The following PBX1 variants were observed in gnomAD, a reference collection of about 807,000 sequenced individuals.
PBX1 encodes the protein PBX homeobox 1, also known as pre-B-cell leukemia transcription factor 1.
PBX1 carries 6 observed loss-of-function variants against 53.4 expected under a neutral mutation model. That is an observed-to-expected ratio of 0.11 (90% CI 0.06 to 0.22). The LOEUF is 0.22. Ranked by LOEUF, PBX1 falls within the 10% of genes least tolerant of loss-of-function variation. PBX1 has a pLI of 1.00. For missense variants in PBX1, 251 were observed against 551.4 expected (o/e 0.46, Z 5.46); for synonymous variants, 204 against 212.3 (o/e 0.96, Z 0.34).
intron 2 of PBX1, among the ~76,000 whole-genome samples, chr1:164,665,414 A>G (rs996227443): frequency 1.3e-5 from 2 of 152,046 alleles, no homozygotes; most frequent in African/African-American, 4.8e-5. Context: ...ACCCCAGAGT[A>G]GCTGGAATTA....
chr1:164,727,691 T>C (rs2102126893), intron 2 of PBX1, among the ~76,000 whole-genome samples: 1 of 152,330 alleles, frequency 6.6e-6, no homozygotes, highest in South Asian at 2.1e-4. Flanking sequence ...CACTGCCACA[T>C]CTGCTATGAG....
intron 2 of PBX1, among the ~76,000 whole-genome samples, chr1:164,779,281 G>T (rs1243289483): frequency 1.3e-5 from 2 of 151,800 alleles, no homozygotes; most frequent in Non-Finnish European, 2.9e-5. Flanking sequence ...CTGCACACTT[G>T]TCTTATTTCT....
intron 2 of PBX1, among the ~76,000 whole-genome samples, chr1:164,629,841 T>G (rs1658295108): frequency 6.6e-6 from 1 of 152,196 alleles, no homozygotes; most frequent in Non-Finnish European, 1.5e-5. Context: ...TTGCCAATTC[T>G]TTGATCAAAG....
chr1:164,885,368 C>G (rs977384146), intron 2 of PBX1, among the ~76,000 whole-genome samples: 2 of 152,116 alleles, frequency 1.3e-5, no homozygotes, highest in African/African-American at 4.8e-5. Flanking sequence ...ATATTTCTAG[C>G]TAGAGGAAAA....
intron 2 of PBX1, among the ~76,000 whole-genome samples, chr1:164,625,096 A>T (rs186078625): frequency 6.2e-4 from 94 of 152,310 alleles, no homozygotes; most frequent in Admixed American, 1.2e-3. Context: ...ACTGCAGGGC[A>T]TAGGTGGCAC....
rs36118857 is a variant in PBX1 at position 164,565,422 on chromosome 1, G to GACACACACACAC, written c.265+2131_265+2142dup. On this transcript the variant is annotated intron_variant, in intron 2 of 8. Transcript: ENST00000420696. Reference sequence around the variant, plus strand: ...AGAGTCATTGCCCCCTGTGTTAAGGGACACACACACACACACACACACACA... The same window carrying GACACACACACAC: ...AGAGTCATTGCCCCCTGTGTTAAGGGACACACACACACACACACACACACACACACACACACA... 1.8e-3 allele frequency among the ~76,000 whole-genome samples: 258 copies of GACACACACACAC among 146,008 alleles called. 9 individuals are homozygous for GACACACACACAC. The East Asian group carries it at 0.036, about 21-fold the overall frequency.
At chr1:164,744,017 A>G (rs1665761740) in intron 2 of PBX1, among the ~76,000 whole-genome samples, 1 of 152,182 alleles carries the variant, frequency 6.6e-6, no homozygotes, top group Non-Finnish European at 1.5e-5. Flanking sequence ...GGTAACTAGA[A>G]GTCTGATGGG....
At chr1:164,829,926 G>C (rs1452863548) in intron 8 of PBX1, 1 of 151,758 alleles carries the variant, frequency 6.6e-6, no homozygotes, top group Admixed American at 6.6e-5. Context: ...AAACAAGCAC[G>C]TTTTTCAAAA....
chr1:164,787,030 T>C (rs1387387), intron 2 of PBX1, among the ~76,000 whole-genome samples: 13,072 of 152,096 alleles, frequency 0.086, 1,151 homozygotes, highest in African/African-American at 0.23. Flanking sequence ...GAAGCAAGCA[T>C]TTTGCTCTTT....
chr1:164,561,718 C>T (rs537501119), intron 1 of PBX1, among the ~76,000 whole-genome samples: 8 of 152,138 alleles, frequency 5.3e-5, no homozygotes, highest in East Asian at 1.9e-4. Flanking sequence ...TTGGCGACTT[C>T]CCCCTTTCAA....
intron 5 of PBX1, among the ~76,000 whole-genome samples, chr1:164,809,202 G>T (rs567065264): frequency 6.6e-6 from 1 of 152,070 alleles, no homozygotes; most frequent in Non-Finnish European, 1.5e-5. Flanking sequence ...TCAACTTCCT[G>T]TTGAAGGTAA....
chr1:164,826,880 C>CAA (rs143215443), intron 8 of PBX1, among the ~76,000 whole-genome samples: 1 of 151,426 alleles, frequency 6.6e-6, no homozygotes, highest in African/African-American at 2.4e-5. Context: ...ATTTATGACA[C>CAA]AAAAAAAACT....
intron 2 of PBX1, among the ~76,000 whole-genome samples, chr1:164,598,325 C>A (rs536089845): frequency 2.6e-5 from 4 of 152,192 alleles, no homozygotes; most frequent in African/African-American, 9.6e-5. Context: ...TTCCTTTGTT[C>A]CCTCCCTTCC....
At chr1:164,649,256 T>G (rs1406576328) in intron 2 of PBX1, among the ~76,000 whole-genome samples, 2 of 152,192 alleles carry the variant, frequency 1.3e-5, no homozygotes, top group African/African-American at 4.8e-5. Flanking sequence ...AAAACAAAAT[T>G]AGTCTTTTAG....
intron 2 of PBX1, among the ~76,000 whole-genome samples, chr1:164,786,706 T>TGTGTGTGC (rs2102287296): frequency 6.8e-6 from 1 of 147,998 alleles, no homozygotes; most frequent in East Asian, 2.1e-4. Context: ...TGTGTGTGTG[T>TGTGTGTGC]GTGTGTGTGT....
At chr1:164,715,624 G>A (rs1319228375) in intron 2 of PBX1, among the ~76,000 whole-genome samples, 1 of 152,194 alleles carries the variant, frequency 6.6e-6, no homozygotes, top group African/African-American at 2.4e-5. Flanking sequence ...ATAGGTATTT[G>A]ATAAATAGTT....
At chr1:164,732,790 A>G (rs1483696058) in intron 2 of PBX1, among the ~76,000 whole-genome samples, 8 of 152,074 alleles carry the variant, frequency 5.3e-5, no homozygotes, top group Non-Finnish European at 1.0e-4. Flanking sequence ...CTTCCAACCT[A>G]GAGAACCTAC....
chr1:164,609,158 CTTTTT>C (rs927559725), intron 2 of PBX1, among the ~76,000 whole-genome samples: 2 of 151,012 alleles, frequency 1.3e-5, no homozygotes, highest in African/African-American at 4.9e-5. Flanking sequence ...CTTTTCTTTT[CTTTTT>C]TTTTAATAAT....
At chr1:164,801,344 T>C (rs1184289986) in intron 4 of PBX1, among the ~76,000 whole-genome samples, 1 of 152,000 alleles carries the variant, frequency 6.6e-6, no homozygotes, top group African/African-American at 2.4e-5. Flanking sequence ...TGGCCTCTGT[T>C]TGGGTCCTTC....
Sources: allele counts gnomAD v4.1 joint callset (sites outside exome capture counted in the v4.1 genomes callset), GRCh38; gene constraint gnomAD v4.1.1; transcripts MANE v1.5; gene names NCBI Gene and HGNC (gene_info 2026-07-23, HGNC 2026-07-21).